Variants in HEY1 observed in about 807,000 individuals in gnomAD.
HEY1 encodes hairy/enhancer-of-split related with YRPW motif protein 1.
Under a neutral mutation model 28.7 loss-of-function variants are expected in HEY1, and 9 were observed. The observed-to-expected ratio is 0.31, with a 90% CI of 0.19 to 0.55. The LOEUF is 0.55. Ranked by LOEUF, HEY1 falls within the 20% of genes least tolerant of loss-of-function variation. The probability of loss-of-function intolerance (pLI) is 0.93; values close to 1 mark genes in which losing one functional copy is unlikely to be tolerated. For missense variants in HEY1, 385 were observed against 399.4 expected (o/e 0.96, Z 0.31); for synonymous variants, 213 against 175.6 (o/e 1.21, Z -1.68).
Position 79,767,673 on chromosome 8 carries a change from C to T in HEY1, c.-10G>A, listed in dbSNP as rs1807881587. ...GGTGAGCTCGCTTCATGCTGGCTCC[C>T]TGGGGGTTCCTGGGGAGGGTCGGCG... On this transcript the variant is annotated 5_prime_UTR_variant, in exon 1 of 5. Transcript: ENST00000354724. 1 of 1,580,612 alleles carries T rather than the reference C, an allele frequency of 6.3e-7. No individual in the cohort carries two copies. Among genetic ancestry groups the T allele is most frequent in the South Asian group, 1.2e-5 (1 of 86,280 alleles).
intron 1 of HEY1, 100 bp downstream of exon 1, chr8:79,767,475 A>C (rs991761527): frequency 7.1e-6 from 9 of 1,260,040 alleles, no homozygotes; most frequent in African/African-American, 4.5e-5. Context: ...AGGTCAGCGC[A>C]GGGCACCGGC....
At chr8:79,766,232 A>G in intron 4 of HEY1, 1 of 1,534,758 alleles carries the variant, frequency 6.5e-7, no homozygotes, top group Admixed American at 2.0e-5. Flanking sequence ...TCCTTTACTT[A>G]ACCAGAATAC....
In HEY1 at chr8:79,767,731, C is replaced by A; in HGVS notation, c.-68G>T. On this transcript the variant is annotated 5_prime_UTR_variant, in exon 1 of 5. Coordinates refer to ENST00000354724, the MANE Select transcript of HEY1 (RefSeq NM_012258.4). ...CAGGGAGGAGTTAACTACAGCGGCG[C>A]CTCTCCGCTCTCGGCTGCTTGCGTT... The A allele has an allele frequency of 8.7e-7, 1 of 1,142,940 alleles. No individual in the cohort carries two copies. The highest frequency in any genetic ancestry group is 1.3e-6 in the Non-Finnish European group (1 of 785,392). The allele number at this position is 1,142,940 out of a possible 1,614,324, so 70.8% of individuals were successfully genotyped here.
At chr8:79,766,800 A>C in intron 3 of HEY1, 68 bp from the exon 4 acceptor site, 1 of 1,500,568 alleles carries the variant, frequency 6.7e-7, no homozygotes, top group African/African-American at 1.4e-5. Flanking sequence ...AAAATATGCA[A>C]ACATATATAC....
In HEY1 at chr8:79,765,509, C is replaced by T; in HGVS notation, c.594G>A (p.Gln198=). ...TGGTGCCCGCGTTCCCGTGGCCGTT[C>T]TGGGGCAGCAACAGCGGGTGCGCGA... ...PHIAHPLLLP[Q]NGHGNAGTTA... is the part of the protein sequence containing the mutation. Residue 198 remains glutamine (Q), a synonymous_variant, in exon 5 of 5, where the codon CAG becomes CAA. Coordinates refer to ENST00000354724, the MANE Select transcript of HEY1 (RefSeq NM_012258.4). 6.2e-7 allele frequency: 1 copy of T among 1,613,734 alleles called. No homozygotes were observed. The highest frequency in any genetic ancestry group is 8.5e-7 in the Non-Finnish European group (1 of 1,179,892).
chr8:79,765,797 CT>C, intron 4 of HEY1, 26 bp from the exon 5 acceptor site: 2 of 1,575,354 alleles, frequency 1.3e-6, no homozygotes, highest in South Asian at 2.3e-5. Flanking sequence ...AAAGAAAAAT[CT>C]CAGGGCTTTG....
chr8:79,766,530 C>A, intron 4 of HEY1, 121 bp downstream of exon 4: 3 of 1,540,792 alleles, frequency 1.9e-6, no homozygotes, highest in South Asian at 1.3e-5. Flanking sequence ...GCACACACCA[C>A]ACACCGTTCT....
chr8:79,767,415 G>C (rs1186585124), intron 1 of HEY1, 121 bp from the exon 2 acceptor site: 19 of 1,123,980 alleles, frequency 1.7e-5, no homozygotes, highest in Non-Finnish European at 2.4e-5. Flanking sequence ...GGGCTGGAAG[G>C]CACCTAGGGG....
At chr8:79,767,407 G>A (rs1807872898) in intron 1 of HEY1, 113 bp from the exon 2 acceptor site, 1 of 1,167,758 alleles carries the variant, frequency 8.6e-7, no homozygotes, top group African/African-American at 1.5e-5. Context: ...TGCCACTTGG[G>A]CTGGAAGGCA....
rs917422406 is a variant in HEY1, at chr8:79,765,224, G to C, written c.879C>G (p.Pro293=). 4.5e-6 allele frequency: 7 copies of C among 1,552,730 alleles called. No individual in the cohort carries two copies. In the African/African-American group the frequency reaches 5.5e-5, roughly 12 times the overall value. Residue 293 remains proline, a synonymous_variant, in exon 5 of 5, where the codon CCC becomes CCG. Transcript: ENST00000354724. Reference sequence around the variant, plus strand: ...CGATCTCCGTCCCCCAAGGTCTATAGGGCTTGCCAAGGTTTGCAGCCTGCG... The same window carrying C: ...CGATCTCCGTCCCCCAAGGTCTATACGGCTTGCCAAGGTTTGCAGCCTGCG... ...APTQAANLGK[P]YRPWGTEIGA...
intron 2 of HEY1, 28 bp downstream of exon 2, chr8:79,767,191 A>T (rs1179456298): frequency 1.2e-6 from 2 of 1,600,510 alleles, no homozygotes; most frequent in South Asian, 1.1e-5. Flanking sequence ...CAATAACAAA[A>T]ATAAAAGGAG....
chr8:79,767,488 G>T, intron 1 of HEY1, 87 bp downstream of exon 1: 1 of 1,359,174 alleles, frequency 7.4e-7, no homozygotes, highest in Non-Finnish European at 1.0e-6. Flanking sequence ...GCACCGGCGC[G>T]CCAAGGGTCC....
rs1179279907 is a variant in HEY1 at position 79,767,759 on chromosome 8, G to GCA, written c.-98_-97dup. 4 of 835,430 alleles carry GCA rather than the reference G, an allele frequency of 4.8e-6. No homozygotes were observed. Among genetic ancestry groups the GCA allele is most frequent in the Non-Finnish European group, 7.8e-6 (4 of 510,508 alleles). 51.8% of individuals were successfully genotyped at this position (835,430 alleles called of 1,614,324 possible). On this transcript the variant is annotated 5_prime_UTR_variant, in exon 1 of 5. Transcript: ENST00000354724. ...CTCCGCTCTCGGCTGCTTGCGTTCC[G>GCA]CACACACTGATCCCGCTCACGCTTT...
In HEY1 at chr8:79,764,255, T is replaced by C. The variant is rs1807773406; in HGVS notation, c.*933A>G. On this transcript the variant is annotated 3_prime_UTR_variant, in exon 5 of 5. Coordinates refer to ENST00000354724, the MANE Select transcript of HEY1 (RefSeq NM_012258.4). Reference sequence around the variant, plus strand: ...ATAAAAATTTCCAGTTAAAAGAAAATATGGCAGTCCCAGGAAAATTAGGTT... The same window carrying C: ...ATAAAAATTTCCAGTTAAAAGAAAACATGGCAGTCCCAGGAAAATTAGGTT... 1 of 223,046 alleles carries C rather than the reference T, an allele frequency of 4.5e-6. No homozygotes were observed. Among genetic ancestry groups the C allele is most frequent in the East Asian group, 6.5e-5 (1 of 15,312 alleles). The allele number at this position is 223,046 out of a possible 1,614,324, so 13.8% of individuals were successfully genotyped here.
rs2130485697 is a variant in HEY1 at position 79,764,824 on chromosome 8, CAA to C, written c.*362_*363del. ...TAACTATACAAGGAGAAAAACAGACCAAAAATACTAAATGTTAAGATTCCCCA... is the reference window on the plus strand; with the variant it reads ...TAACTATACAAGGAGAAAAACAGACCAAATACTAAATGTTAAGATTCCCCA... On this transcript the variant is annotated 3_prime_UTR_variant, in exon 5 of 5. Coordinates refer to ENST00000354724, the MANE Select transcript of HEY1 (RefSeq NM_012258.4). 1 of 236,066 alleles carries C rather than the reference CAA, an allele frequency of 4.2e-6. No homozygotes were observed. 14.6% of individuals were successfully genotyped at this position (236,066 alleles called of 1,614,324 possible). A position where few individuals can be genotyped will look rare whatever the true frequency, so the allele number is the denominator to read the frequency against.
intron 1 of HEY1, 110 bp from the exon 2 acceptor site, chr8:79,767,404 T>C (rs1235642218): frequency 2.5e-6 from 3 of 1,193,078 alleles, no homozygotes; most frequent in African/African-American, 3.1e-5. Flanking sequence ...TTTTGCCACT[T>C]GGGCTGGAAG....
chr8:79,765,882 G>C, intron 4 of HEY1, 111 bp from the exon 5 acceptor site: 1 of 921,428 alleles, frequency 1.1e-6, no homozygotes, highest in Non-Finnish European at 1.6e-6. Context: ...AAACACAACA[G>C]TCAGGGGTTC....
chr8:79,765,304 AG>A lies in HEY1; in HGVS notation c.798del (p.Ser267LeufsTer13), dbSNP rs2130486971. On this transcript the variant is annotated frameshift_variant, in exon 5 of 5. Coordinates refer to ENST00000354724, the MANE Select transcript of HEY1 (RefSeq NM_012258.4). LOFTEE classifies it high-confidence loss of function. ...GACAGTAAGTGGAAGGAGCCGAAAGAGAAGGGGAAGGCCGACAGGGAGGCCA... is the reference window on the plus strand; with the variant it reads ...GACAGTAAGTGGAAGGAGCCGAAAGAAAGGGGAAGGCCGACAGGGAGGCCA... ...SSVASLSAFP[F>X]SFGSFHLLSP... is the part of the protein sequence containing the mutation. 6.4e-7 allele frequency: 1 copy of A among 1,559,668 alleles called. No individual in the cohort carries two copies. Among genetic ancestry groups the A allele is most frequent in the East Asian group, 2.4e-5 (1 of 42,244 alleles).
rs1233321167 is a variant in HEY1 at position 79,764,167 on chromosome 8, G to T, written c.*1021C>A. The T allele has an allele frequency of 2.4e-5, 5 of 210,446 alleles. No individual in the cohort carries two copies. The highest frequency in any genetic ancestry group is 4.8e-5 in the Non-Finnish European group (5 of 103,920). 13.0% of individuals were successfully genotyped at this position (210,446 alleles called of 1,614,324 possible). On this transcript the variant is annotated 3_prime_UTR_variant, in exon 5 of 5. Coordinates refer to ENST00000354724, the MANE Select transcript of HEY1 (RefSeq NM_012258.4). The stretch of plus-strand genomic sequence containing the variant: ...AAATTAAATAAATCAAAGAGAAGGA[G>T]GCAGGAAAGCCCTTTTAAATACCTT...
Sources: gnomAD v4.1 joint callset for allele counts on GRCh38, gnomAD v4.1.1 for gene constraint, MANE v1.5 for transcripts, NCBI Gene and HGNC (gene_info 2026-07-23, HGNC 2026-07-21) for gene names.